The following SLC49A3 variants were observed in gnomAD, a reference collection of about 807,000 sequenced individuals.
SLC49A3 encodes the protein solute carrier family 49 member 3, also known as solute carrier family 49 member A3.
In SLC49A3, 50 loss-of-function variants were observed where a neutral mutation model predicts 43.8. That is an observed-to-expected ratio of 1.14 (90% CI 0.91 to 1.45). The LOEUF (loss-of-function observed/expected upper bound fraction) is 1.45, where lower values mean the gene tolerates loss of function less well. SLC49A3 is among the 40% of genes most tolerant of loss of function. The pLI is 0.00. For synonymous variants in SLC49A3, 413 were observed against 352.0 expected (o/e 1.17, Z -1.94); for missense variants, 906 against 774.1 (o/e 1.17, Z -2.02).
At position 685,769 on chromosome 4, in the gene SLC49A3, G is replaced by T; in HGVS notation, c.585+66C>A. 6.5e-7 allele frequency: 1 copy of T among 1,541,764 alleles called. No individual in the cohort carries two copies. The highest frequency in any genetic ancestry group is 9.0e-7 in the Non-Finnish European group (1 of 1,117,208). On this transcript the variant is annotated intron_variant, in intron 4 of 9. Coordinates refer to ENST00000322224, the MANE Select transcript of SLC49A3 (RefSeq NM_032219.4). The surrounding 1 kb of genome is among the most constrained non-coding windows in gnomAD (Gnocchi z 4.3). Reference sequence around the variant, plus strand: ...AGGAACACGGACACACTTGGGATCAGGAACACACAGACGTGCATGCGCACA... The same window carrying T: ...AGGAACACGGACACACTTGGGATCATGAACACACAGACGTGCATGCGCACA...
downstream of SLC49A3, among the ~76,000 whole-genome samples, chr4:677,485 A>C (rs530648827): frequency 1.3e-5 from 2 of 152,338 alleles, no homozygotes; most frequent in Admixed American, 1.3e-4. Flanking sequence ...GCTCCCAGCC[A>C]TGAGGTCAGA....
chr4:682,833 C>G lies in SLC49A3; in HGVS notation c.1209G>C (p.Ser403=). The G allele has an allele frequency of 1.2e-6, 2 of 1,605,490 alleles. No homozygotes were observed. Among genetic ancestry groups the G allele is most frequent in the Non-Finnish European group, 1.7e-6 (2 of 1,175,194 alleles). ...GCTGGCAGGTGGACAAGGACGGCTC[C>G]GAGCGTCGCACAGTCAGTGCCGTCA... ...LAMTALTVRR[S]EPSLSTCQQG... The change falls in exon 9 of 10, where the codon TCG becomes TCC. Residue 403 remains serine, a synonymous_variant. Transcript: ENST00000322224.
downstream of SLC49A3, among the ~76,000 whole-genome samples, chr4:681,468 C>T (rs943628120): frequency 1.3e-5 from 2 of 150,838 alleles, no homozygotes; most frequent in South Asian, 4.2e-4. Flanking sequence ...CTCCCAGCCC[C>T]AGCGGGCGAG....
downstream of SLC49A3, chr4:679,261 GA>G (rs1739191902): frequency 1.6e-6 from 1 of 643,016 alleles, no homozygotes; most frequent in Non-Finnish European, 2.8e-6. Flanking sequence ...CCCAAGCCTG[GA>G]AACTCAGAGT....
upstream of SLC49A3, chr4:689,234 GC>G (rs1258273088): frequency 5.2e-6 from 4 of 770,648 alleles, no homozygotes; most frequent in African/African-American, 7.4e-5. Flanking sequence ...GCCGGGCCGG[GC>G]CGGGCCACGG....
chr4:682,443 G>A, intron 9 of SLC49A3, 67 bp from the exon 10 acceptor site: 1 of 1,290,600 alleles, frequency 7.7e-7, no homozygotes, highest in Non-Finnish European at 9.9e-7. Context: ...AGAGCCCAAT[G>A]CTGGCCTATG....
At position 682,233 on chromosome 4, in the gene SLC49A3, G is replaced by C; in HGVS notation, c.1405C>G (p.Pro469Ala). Residue 469 changes from proline to alanine, a missense_variant, in exon 10 of 10, where the codon CCG becomes GCG. Coordinates refer to ENST00000322224, the MANE Select transcript of SLC49A3 (RefSeq NM_032219.4). Reference protein sequence around the residue: ...RNAVGGADSGPGVDRGGAGRA... With the variant: ...RNAVGGADSGAGVDRGGAGRA... ...CCTGCTCCCCCTCGGTCCACACCCGGCCCTGAGTCTGCGCCGCCCACGGCG... is the reference window on the plus strand; with the variant it reads ...CCTGCTCCCCCTCGGTCCACACCCGCCCCTGAGTCTGCGCCGCCCACGGCG... 7.2e-7 allele frequency: 1 copy of C among 1,379,912 alleles called. No homozygotes were observed. Among genetic ancestry groups the C allele is most frequent in the Non-Finnish European group, 9.5e-7 (1 of 1,055,882 alleles). 85.5% of individuals were successfully genotyped at this position (1,379,912 alleles called of 1,614,324 possible).
rs767484515 is a variant in SLC49A3 at position 681,915 on chromosome 4, C to G, written c.*43G>C. 1.1e-5 allele frequency: 15 copies of G among 1,319,562 alleles called. No homozygotes were observed. The South Asian group carries it at 4.1e-4, about 36-fold the overall frequency. The allele number at this position is 1,319,562 out of a possible 1,614,324, so 81.7% of individuals were successfully genotyped here. A position where few individuals can be genotyped will look rare whatever the true frequency, so the allele number is the denominator to read the frequency against. ...CAGGTGGACCAGATGTTCCAGTTCG[C>G]CTCCATCGATGTGGCGGGCAACCTG... On this transcript the variant is annotated 3_prime_UTR_variant, in exon 10 of 10. Transcript: ENST00000322224.
At chr4:686,051 G>A (rs1740947353) in intron 3 of SLC49A3, 38 bp downstream of exon 3, 3 of 1,611,574 alleles carry the variant, frequency 1.9e-6, no homozygotes, top group Non-Finnish European at 2.5e-6. Context: ...GGACCCTGAG[G>A]TGAGCCCAGG....
intron 6 of SLC49A3, 32 bp from the exon 7 acceptor site, chr4:683,793 A>G: frequency 1.3e-6 from 2 of 1,540,456 alleles, no homozygotes; most frequent in Non-Finnish European, 1.8e-6. Context: ...CAGGGCCCCA[A>G]GAGGCCACCA....
rs1019527609 is a variant in SLC49A3 at position 685,425 on chromosome 4, C to T, written c.585+410G>A. Among the ~76,000 whole-genome samples the T allele has an allele frequency of 1.3e-5, 2 of 151,724 alleles. No homozygotes were observed. The highest frequency in any genetic ancestry group is 4.9e-5 in the African/African-American group (2 of 41,230). On this transcript the variant is annotated intron_variant, in intron 4 of 9. Transcript: ENST00000322224. The surrounding 1 kb of genome is among the most constrained non-coding windows in gnomAD (Gnocchi z 4.3). ...ATAGAAACATCACACACTGGCCGGG[C>T]GCGGTGGCTCACGCCTGTCATCCTA...
downstream of SLC49A3, among the ~76,000 whole-genome samples, chr4:681,544 G>T: frequency 7.6e-6 from 1 of 132,408 alleles, no homozygotes; most frequent in East Asian, 2.3e-4. Flanking sequence ...CCTCCCCGAC[G>T]CTGCTGAAGG....
At chr4:678,802 C>T, downstream of SLC49A3, 2 of 1,608,288 alleles carry the variant, frequency 1.2e-6, no homozygotes, top group Non-Finnish European at 1.7e-6. Flanking sequence ...CCCCCACCCC[C>T]AGGAGCCTGT....
downstream of SLC49A3, chr4:681,747 C>A (rs1272267998): frequency 6.1e-6 from 6 of 978,460 alleles, no homozygotes; most frequent in African/African-American, 1.1e-4. Context: ...GCCGCCCCGC[C>A]CCCTCCAGCG....
Position 684,810 on chromosome 4 carries a change from G to A in SLC49A3, c.632C>T (p.Thr211Ile). The A allele has an allele frequency of 3.7e-6, 6 of 1,612,604 alleles. No individual in the cohort carries two copies. The highest frequency in any genetic ancestry group is 5.1e-6 in the Non-Finnish European group (6 of 1,179,918). Residue 211 changes from threonine to isoleucine, a missense_variant, in exon 5 of 10, where the codon ACC becomes ATC. By Grantham distance (89) the Thr-to-Ile change is moderately conservative. Transcript: ENST00000322224. ...GGGCACACTCTCCCACAGGCAGATGGTGGACAGCAGGCAGACGACGCCAGC... is the reference window on the plus strand; with the variant it reads ...GGGCACACTCTCCCACAGGCAGATGATGGACAGCAGGCAGACGACGCCAGC... ...IPAGVVCLLS[T>I]ICLWESVPPT...
chr4:686,787 C>T, intron 1 of SLC49A3, 97 bp from the exon 2 acceptor site: 2 of 1,462,048 alleles, frequency 1.4e-6, no homozygotes, highest in Non-Finnish European at 1.8e-6. Context: ...GCCAGCAGCC[C>T]CGTGAGGCCG....
chr4:686,057 C>G lies in SLC49A3; in HGVS notation c.508+32G>C, dbSNP rs765971989. On this transcript the variant is annotated intron_variant, in intron 3 of 9. Coordinates refer to ENST00000322224, the MANE Select transcript of SLC49A3 (RefSeq NM_032219.4). ...CGTCTGTGTGGACCCTGAGGTGAGC[C>G]CAGGCAGGCGGCCTCCCTCCCCGGA... is the stretch of plus-strand genomic sequence containing the variant. 6 of 1,611,790 alleles carry G rather than the reference C, an allele frequency of 3.7e-6. No homozygotes were observed. In the East Asian group the frequency reaches 1.3e-4, roughly 36 times the overall value.
In SLC49A3 at chr4:682,844, C is replaced by A; in HGVS notation, c.1198G>T (p.Val400Leu). Residue 400 changes from valine to leucine, a missense_variant, in exon 9 of 10, where the codon GTG becomes TTG. Transcript: ENST00000322224. ...LIMLAMTALT[V>L]RRSEPSLSTC... The stretch of plus-strand genomic sequence containing the variant: ...GACAAGGACGGCTCCGAGCGTCGCA[C>A]AGTCAGTGCCGTCATTGCCAGCATG... 1.2e-6 allele frequency: 2 copies of A among 1,605,656 alleles called. No individual in the cohort carries two copies.
chr4:678,213 G>T, downstream of SLC49A3: 1 of 1,506,460 alleles, frequency 6.6e-7, no homozygotes, highest in Admixed American at 2.0e-5. Flanking sequence ...TGACCTTGCG[G>T]GTGTGGGCTG....
Sources: allele counts gnomAD v4.1 joint callset (sites outside exome capture counted in the v4.1 genomes callset), GRCh38; gene constraint gnomAD v4.1.1; non-coding constraint Gnocchi (gnomAD v3.1); transcripts MANE v1.5; gene names NCBI Gene and HGNC (gene_info 2026-07-23, HGNC 2026-07-21).